Variants in KLF8 observed in about 807,000 individuals in gnomAD.
KLF8 encodes Krueppel-like factor 8.
In KLF8, 10 loss-of-function variants were observed where a neutral mutation model predicts 18.2. That is an observed-to-expected ratio of 0.55 (90% CI 0.34 to 0.93). KLF8 has a LOEUF of 0.93. Ranked by LOEUF, KLF8 falls within the 40% of genes least tolerant of loss-of-function variation. The probability of loss-of-function intolerance (pLI) is 0.02; values close to 1 mark genes in which losing one functional copy is unlikely to be tolerated. For missense variants in KLF8, 264 were observed against 277.9 expected (o/e 0.95, Z 0.36); for synonymous variants, 109 against 97.3 (o/e 1.12, Z -0.71).
the KLF8 span, among the ~76,000 whole-genome samples, chrX:56,183,431 G>A: frequency 8.9e-6 from 1 of 111,859 alleles, no homozygotes; most frequent in African/African-American, 3.3e-5. Flanking sequence ...GTGAGGCGGT[G>A]CCCTGCCCTG....
the KLF8 span, among the ~76,000 whole-genome samples, chrX:56,080,366 T>A: frequency 9.0e-6 from 1 of 111,464 alleles, no homozygotes; most frequent in Non-Finnish European, 1.9e-5. Flanking sequence ...TCTCTCAGCA[T>A]TTGCTTGTCT....
At chrX:56,257,029 TAAGTTA>T (rs1269050274) in intron 2 of KLF8, among the ~76,000 whole-genome samples, 2 of 111,976 alleles carry the variant, frequency 1.8e-5, no homozygotes, top group Non-Finnish European at 1.9e-5. Flanking sequence ...TTTCCCTAAT[TAAGTTA>T]AAGTTTAATA....
the KLF8 span, among the ~76,000 whole-genome samples, chrX:56,223,251 C>T: frequency 1.8e-5 from 2 of 112,948 alleles, no homozygotes; most frequent in African/African-American, 6.4e-5. Flanking sequence ...TAATGGTACT[C>T]ATAGGAATTA....
chrX:56,187,916 C>G, the KLF8 span, among the ~76,000 whole-genome samples: 1 of 111,947 alleles, frequency 8.9e-6, no homozygotes, highest in African/African-American at 3.2e-5. Flanking sequence ...CAGCCAGTAT[C>G]ATACTGAATG....
At chrX:55,949,150 A>G in the KLF8 span, among the ~76,000 whole-genome samples, 4 of 112,063 alleles carry the variant, frequency 3.6e-5, no homozygotes, top group African/African-American at 1.3e-4. Flanking sequence ...GCTTAAGCAA[A>G]CATTATGGTT....
the KLF8 span, among the ~76,000 whole-genome samples, chrX:56,088,793 C>A: frequency 9.7e-4 from 108 of 111,009 alleles, no homozygotes; most frequent in African/African-American, 3.4e-3. Flanking sequence ...CACACATGCT[C>A]CATTTGGGTC....
chrX:56,179,434 C>A, the KLF8 span, among the ~76,000 whole-genome samples: 3 of 112,265 alleles, frequency 2.7e-5, no homozygotes, highest in Non-Finnish European at 5.6e-5. Context: ...ATGTCATCTG[C>A]AAACAGGGAC....
At chrX:56,057,355 G>C in the KLF8 span, among the ~76,000 whole-genome samples, 1 of 110,962 alleles carries the variant, frequency 9.0e-6, no homozygotes, top group Admixed American at 9.6e-5. Context: ...GTGGTGGTTT[G>C]TATATTTGCT....
At chrX:56,085,926 G>A in the KLF8 span, among the ~76,000 whole-genome samples, 6 of 112,000 alleles carry the variant, frequency 5.4e-5, no homozygotes, top group African/African-American at 1.3e-4. Context: ...TGCGTCATGA[G>A]TTCTGGTCGA....
the KLF8 span, among the ~76,000 whole-genome samples, chrX:56,179,930 G>A: frequency 2.7e-5 from 3 of 111,551 alleles, no homozygotes; most frequent in Non-Finnish European, 5.6e-5. Context: ...ATGTTCCTCA[G>A]GGATGTTTTT....
At chrX:56,107,495 C>T in the KLF8 span, among the ~76,000 whole-genome samples, 2 of 111,861 alleles carry the variant, frequency 1.8e-5, no homozygotes, top group Admixed American at 1.9e-4. Context: ...TAGCCGTCAT[C>T]AAGGCTCCAT....
chrX:56,131,940 G>A, the KLF8 span, among the ~76,000 whole-genome samples: 13 of 111,528 alleles, frequency 1.2e-4, no homozygotes, highest in South Asian at 7.5e-4. Flanking sequence ...GGCAAATATC[G>A]CAATCCTAAA....
the KLF8 span, chrX:56,074,591 A>G: frequency 8.6e-6 from 1 of 115,668 alleles, no homozygotes; most frequent in East Asian, 2.7e-4. Context: ...AAATTAGTTT[A>G]TCTATATATG....
chrX:56,196,414 A>G, the KLF8 span, among the ~76,000 whole-genome samples: 1 of 111,608 alleles, frequency 9.0e-6, no homozygotes, highest in Non-Finnish European at 1.9e-5. Context: ...AAAGCAAAAA[A>G]AAATAAAAAT....
chrX:55,983,677 C>A, the KLF8 span, among the ~76,000 whole-genome samples: 4 of 111,462 alleles, frequency 3.6e-5, no homozygotes, highest in Admixed American at 3.8e-4. Flanking sequence ...TGGTTACATG[C>A]ATTAATTATA....
the KLF8 span, among the ~76,000 whole-genome samples, chrX:56,130,249 A>G: frequency 4.5e-5 from 5 of 111,609 alleles, no homozygotes; most frequent in East Asian, 1.1e-3. Context: ...GCACTCACAG[A>G]GTCCATTTCA....
At chrX:56,222,556 C>A in the KLF8 span, among the ~76,000 whole-genome samples, 1 of 112,910 alleles carries the variant, frequency 8.9e-6, no homozygotes, top group African/African-American at 3.2e-5. Context: ...GTGGATCTAG[C>A]AGCAGGGTGC....
chrX:56,026,516 A>G, the KLF8 span, among the ~76,000 whole-genome samples: 13,338 of 111,359 alleles, frequency 0.12, 1,403 homozygotes, highest in African/African-American at 0.34. Context: ...ACAATACCAT[A>G]GGAAGGGCCT....
chrX:56,049,903 CTT>C, the KLF8 span, among the ~76,000 whole-genome samples: 1 of 107,596 alleles, frequency 9.3e-6, no homozygotes, highest in Non-Finnish European at 1.9e-5. Flanking sequence ...GTCCTGGACT[CTT>C]TTTGGTTGGT....
Sources: allele counts gnomAD v4.1 joint callset (sites outside exome capture counted in the v4.1 genomes callset), GRCh38; gene constraint gnomAD v4.1.1; transcripts MANE v1.5; gene names NCBI Gene and HGNC (gene_info 2026-07-23, HGNC 2026-07-21).